The following CENPI variants were observed in gnomAD, a reference collection of about 807,000 sequenced individuals.
The protein encoded by CENPI is FSH primary response 1.
In CENPI, 4 loss-of-function variants were observed where a neutral mutation model predicts 60.4. The observed-to-expected ratio is 0.07, with a 90% CI of 0.03 to 0.15. CENPI has a LOEUF of 0.15. Among genes scored for constraint, CENPI ranks in the 10% least tolerant of loss-of-function variants. The probability of loss-of-function intolerance (pLI) is 1.00; values close to 1 mark genes in which losing one functional copy is unlikely to be tolerated. For missense variants in CENPI, 444 were observed against 534.5 expected, an observed-to-expected ratio of 0.83 and a Z score of 1.67; for synonymous variants, 157 against 189.4, an observed-to-expected ratio of 0.83 and a Z score of 1.40.
intron 16 of CENPI, among the ~76,000 whole-genome samples, chrX:101,143,397 A>G (rs2089932839): frequency 8.9e-6 from 1 of 111,935 alleles, no homozygotes; most frequent in Admixed American, 9.5e-5. Flanking sequence ...AGGTACTGTA[A>G]GAGACTCCAT....
chrX:101,143,913 C>T (rs2089938628), intron 16 of CENPI, among the ~76,000 whole-genome samples: 1 of 111,513 alleles, frequency 9.0e-6, no homozygotes, highest in Admixed American at 9.6e-5. Flanking sequence ...TGTAGGTTTC[C>T]TTCAATCTGT....
intron 17 of CENPI, 45 bp downstream of exon 17, chrX:101,145,244 A>G: frequency 9.4e-7 from 1 of 1,062,516 alleles, no homozygotes. Context: ...TGTGAAGGCT[A>G]TCCACTTTAT....
intron 6 of CENPI, among the ~76,000 whole-genome samples, chrX:101,116,388 A>G (rs1195413837): frequency 3.6e-5 from 4 of 110,543 alleles, no homozygotes; most frequent in Admixed American, 9.8e-5. Context: ...CCGGATAACA[A>G]AAGACTGGGC....
downstream of CENPI, among the ~76,000 whole-genome samples, chrX:101,169,734 G>C (rs113489421): frequency 2.7e-3 from 301 of 111,603 alleles, no homozygotes; most frequent in African/African-American, 9.0e-3. Context: ...ATGCTTATTA[G>C]TGCCCCCGAA....
chrX:101,101,028 A>C (rs1368680755), intron 2 of CENPI, 30 bp from the exon 3 acceptor site: 3 of 1,034,456 alleles, frequency 2.9e-6, no homozygotes, highest in Admixed American at 4.6e-5. Context: ...TTGGCTGATT[A>C]ATGATAACTT....
At chrX:101,127,952 C>G (rs1386085420) in intron 11 of CENPI, among the ~76,000 whole-genome samples, 1 of 111,355 alleles carries the variant, frequency 9.0e-6, no homozygotes, top group Non-Finnish European at 1.9e-5. Context: ...AATCCCAGCA[C>G]TTTGGGAGGC....
chrX:101,178,527 C>G, the CENPI span, among the ~76,000 whole-genome samples: 3 of 105,082 alleles, frequency 2.9e-5, no homozygotes, highest in Non-Finnish European at 5.8e-5. Flanking sequence ...TCTCTTGCCT[C>G]AGCCTCCTGA....
the CENPI span, among the ~76,000 whole-genome samples, chrX:101,172,636 C>A: frequency 9.0e-6 from 1 of 111,414 alleles, no homozygotes; most frequent in Admixed American, 9.6e-5. Context: ...GGATAGTTGG[C>A]AGGTAATGGG....
intron 4 of CENPI, among the ~76,000 whole-genome samples, chrX:101,107,089 T>C (rs754090041): frequency 9.4e-6 from 1 of 106,748 alleles, no homozygotes; most frequent in Admixed American, 1.0e-4. Context: ...AAAGAATATC[T>C]GTTCTCTTCT....
At chrX:101,135,325 G>A (rs2089835427) in intron 15 of CENPI, among the ~76,000 whole-genome samples, 1 of 111,066 alleles carries the variant, frequency 9.0e-6, no homozygotes. Context: ...TTGATGGCAG[G>A]ACATGATGCA....
At chrX:101,140,232 GAAGAT>G (rs1307845398) in intron 15 of CENPI, among the ~76,000 whole-genome samples, 1 of 111,704 alleles carries the variant, frequency 9.0e-6, no homozygotes, top group East Asian at 2.8e-4. Context: ...CAAAGTCACA[GAAGAT>G]AAGATAAATT....
rs745414467 is a variant in CENPI, at chrX:101,121,036, C to T, written c.687+252C>T. Among the ~76,000 whole-genome samples the T allele has an allele frequency of 1.2e-4, 13 of 109,819 alleles. No homozygotes were observed. In the East Asian group the frequency reaches 1.7e-3, roughly 15 times the overall value. ...GATTATAGGCACGCGTCACCACACC[C>T]GGCTAACTTTTGTGTTTTTTGGTAG... On this transcript the variant is annotated intron_variant, in intron 8 of 21. Coordinates refer to ENST00000682095, the MANE Select transcript of CENPI (RefSeq NM_001386188.2).
At chrX:101,143,381 AC>A (rs1213686063) in intron 16 of CENPI, among the ~76,000 whole-genome samples, 1 of 111,849 alleles carries the variant, frequency 8.9e-6, no homozygotes, top group Non-Finnish European at 1.9e-5. Flanking sequence ...TTGAACTAAT[AC>A]CCATAGGTAC....
intron 21 of CENPI, among the ~76,000 whole-genome samples, chrX:101,162,099 C>T (rs2090113166): frequency 9.1e-6 from 1 of 109,710 alleles, no homozygotes; most frequent in African/African-American, 3.3e-5. Flanking sequence ...TACCACCACG[C>T]CTGGCTAATT....
intron 4 of CENPI, among the ~76,000 whole-genome samples, chrX:101,103,985 T>C (rs1332138990): frequency 9.0e-6 from 1 of 111,355 alleles, no homozygotes; most frequent in Admixed American, 9.6e-5. Context: ...CTTTCTTTTT[T>C]TTTTTTTGAG....
chrX:101,168,558 C>G (rs1260238484), downstream of CENPI, among the ~76,000 whole-genome samples: 2 of 111,696 alleles, frequency 1.8e-5, no homozygotes, highest in East Asian at 5.6e-4. Flanking sequence ...GAGCAAGACT[C>G]TGAAAAACAA....
intron 6 of CENPI, among the ~76,000 whole-genome samples, chrX:101,116,782 C>T (rs1002846673): frequency 4.5e-5 from 5 of 111,692 alleles, no homozygotes; most frequent in Admixed American, 1.9e-4. Flanking sequence ...GTGGCTGTAC[C>T]ATTTTTCATT....
At chrX:101,115,275 T>C (rs940995782) in intron 6 of CENPI, among the ~76,000 whole-genome samples, 3 of 109,187 alleles carry the variant, frequency 2.7e-5, no homozygotes, top group Non-Finnish European at 3.8e-5. Flanking sequence ...TTTATTTTTT[T>C]CATTATTTCT....
At chrX:101,153,652 T>C (rs1455141735) in intron 20 of CENPI, among the ~76,000 whole-genome samples, 4 of 112,237 alleles carry the variant, frequency 3.6e-5, no homozygotes, top group African/African-American at 1.3e-4. Flanking sequence ...TCTTTTTATA[T>C]TCTAGATACA....
Sources: allele counts gnomAD v4.1 joint callset (sites outside exome capture counted in the v4.1 genomes callset), GRCh38; gene constraint gnomAD v4.1.1; transcripts MANE v1.5; gene names NCBI Gene and HGNC (gene_info 2026-07-23, HGNC 2026-07-21).